Variants in ARHGAP39 observed in about 807,000 individuals in gnomAD.
The protein encoded by ARHGAP39 is rho GTPase-activating protein 39.
Under a neutral mutation model 106.9 loss-of-function variants are expected in ARHGAP39, and 44 were observed. That is an observed-to-expected ratio of 0.41 (90% CI 0.32 to 0.53). The LOEUF (loss-of-function observed/expected upper bound fraction) is 0.53. Among genes scored for constraint, ARHGAP39 ranks in the 20% least tolerant of loss-of-function variants. The pLI is 0.21. For synonymous variants in ARHGAP39, 768 were observed against 693.2 expected, an observed-to-expected ratio of 1.11 and a Z score of -1.69; for missense variants, 1,496 against 1,577.3, an observed-to-expected ratio of 0.95 and a Z score of 0.87.
Position 144,531,053 on chromosome 8 carries a change from G to C in ARHGAP39, c.2981-182C>G, listed in dbSNP as rs116899151. Among the ~76,000 whole-genome samples the C allele has an allele frequency of 0.013, 2,048 of 152,340 alleles. 142 individuals carry two copies. The East Asian group carries it at 0.21, about 15-fold the overall frequency. On this transcript the variant is annotated intron_variant, in intron 10 of 11. Coordinates refer to ENST00000377307, the MANE Select transcript of ARHGAP39 (RefSeq NM_025251.3). ...ACCCCAGAGGGCCTTTCGGCTCCTGGGGGCCTGAACTCGATCCTGGAGGCA... is the reference window on the plus strand; with the variant it reads ...ACCCCAGAGGGCCTTTCGGCTCCTGCGGGCCTGAACTCGATCCTGGAGGCA...
In ARHGAP39 at chr8:144,671,745, C is replaced by T. The variant is rs754184562; in HGVS notation, c.-82+13941G>A. Among the ~76,000 whole-genome samples the T allele has an allele frequency of 6.6e-5, 10 of 152,256 alleles. No individual in the cohort carries two copies. The highest frequency in any genetic ancestry group is 1.9e-4 in the African/African-American group (8 of 41,466). ...GGTTCTCCCTACGACCCCAGGCACA[C>T]GGCCACCTCTGCTGTCCACAGGATG... On this transcript the variant is annotated intron_variant, in intron 1 of 11. Transcript: ENST00000377307. This position sits in a 1 kb window ranked among gnomAD's most constrained non-coding sequence, Gnocchi z 4.5.
chr8:144,595,055 CAG>C (rs1222276047), intron 2 of ARHGAP39, among the ~76,000 whole-genome samples: 2 of 152,192 alleles, frequency 1.3e-5, no homozygotes, highest in Non-Finnish European at 1.5e-5. Flanking sequence ...TAAAACCCCA[CAG>C]AGTTACCACC....
In ARHGAP39 at chr8:144,529,370, A is replaced by T. The variant is rs913898672; in HGVS notation, c.*1052T>A. 6.5e-6 allele frequency: 1 copy of T among 152,908 alleles called. No individual in the cohort carries two copies. The highest frequency in any genetic ancestry group is 1.5e-5 in the Non-Finnish European group (1 of 68,496). The allele number at this position is 152,908 out of a possible 1,614,324, so 9.5% of individuals were successfully genotyped here. On this transcript the variant is annotated 3_prime_UTR_variant, in exon 12 of 12. Coordinates refer to ENST00000377307, the MANE Select transcript of ARHGAP39 (RefSeq NM_025251.3). ...GAACTCTAAAAAATATATATATAAAAACTGGGGAGAAATTAAGTTTTACAA... is the reference window on the plus strand; with the variant it reads ...GAACTCTAAAAAATATATATATAAATACTGGGGAGAAATTAAGTTTTACAA...
intron 1 of ARHGAP39, among the ~76,000 whole-genome samples, chr8:144,667,958 T>C (rs1822005803): frequency 6.6e-6 from 1 of 152,016 alleles, no homozygotes. Flanking sequence ...GACAAAGCAA[T>C]GTTCAAACCA....
intron 1 of ARHGAP39, among the ~76,000 whole-genome samples, chr8:144,614,225 A>G (rs921509834): frequency 6.6e-6 from 1 of 152,090 alleles, no homozygotes; most frequent in African/African-American, 2.4e-5. Context: ...GTCAGTTTTG[A>G]TGGATTTTTC....
In ARHGAP39 at chr8:144,547,615, TGCCCGGGGAGTA is replaced by T; in HGVS notation, c.1459_1470del (p.Tyr487_Gly490del). The T allele has an allele frequency of 1.3e-6, 2 of 1,495,608 alleles. No homozygotes were observed. The highest frequency in any genetic ancestry group is 1.8e-6 in the Non-Finnish European group (2 of 1,123,962). The allele number at this position is 1,495,608 out of a possible 1,614,324, so 92.6% of individuals were successfully genotyped here. A position where few individuals can be genotyped will look rare whatever the true frequency, so the allele number is the denominator to read the frequency against. ...GGCTTTCTGCTCTTCCGCTTGCGCG[TGCCCGGGGAGTA>T]GCCTGTGGAGGACAGGGTGTCCTGC... On this transcript the variant is annotated inframe_deletion, in exon 5 of 12. Transcript: ENST00000377307. This position sits in a 1 kb window ranked among gnomAD's most constrained non-coding sequence, Gnocchi z 5.2.
chr8:144,571,529 T>C (rs535969748), intron 3 of ARHGAP39, among the ~76,000 whole-genome samples: 2 of 152,232 alleles, frequency 1.3e-5, no homozygotes, highest in African/African-American at 4.8e-5. Context: ...CCACAGCCAA[T>C]ATCATACTGA....
intron 1 of ARHGAP39, among the ~76,000 whole-genome samples, chr8:144,635,303 A>C (rs1412821090): frequency 6.6e-6 from 1 of 152,164 alleles, no homozygotes; most frequent in Non-Finnish European, 1.5e-5. Flanking sequence ...CCAACGGTTT[A>C]AGCAATCATG....
intron 3 of ARHGAP39, among the ~76,000 whole-genome samples, chr8:144,569,522 CA>C (rs893299062): frequency 2.6e-4 from 40 of 152,168 alleles, no homozygotes; most frequent in African/African-American, 9.2e-4. Flanking sequence ...AGATGACAGA[CA>C]AAAAAGAGTG....
chr8:144,623,430 A>G (rs1375405936), intron 1 of ARHGAP39, among the ~76,000 whole-genome samples: 1 of 152,224 alleles, frequency 6.6e-6, no homozygotes. Context: ...TACCAAACAC[A>G]TCTAAAGTAT....
intron 7 of ARHGAP39, among the ~76,000 whole-genome samples, chr8:144,536,796 G>A (rs931195463): frequency 1.3e-5 from 2 of 152,226 alleles, no homozygotes; most frequent in African/African-American, 4.8e-5. Context: ...GTAGCCTCCT[G>A]CTGGTCCCAG....
At position 144,604,934 on chromosome 8, in the gene ARHGAP39, C is replaced by A. The variant is rs1820226749; in HGVS notation, c.80+601G>T. Among the ~76,000 whole-genome samples, 1 of 152,216 alleles carries A rather than the reference C, an allele frequency of 6.6e-6. No homozygotes were observed. The highest frequency in any genetic ancestry group is 1.5e-5 in the Non-Finnish European group (1 of 68,042). On this transcript the variant is annotated intron_variant, in intron 2 of 11. Coordinates refer to ENST00000377307, the MANE Select transcript of ARHGAP39 (RefSeq NM_025251.3). This position sits in a 1 kb window ranked among gnomAD's most constrained non-coding sequence, Gnocchi z 4.1. The stretch of plus-strand genomic sequence containing the variant: ...CATGGGGCTGTTCTTATTCTTGTAA[C>A]TTTTCTGGAAGCATGAAATTATTTC...
intron 2 of ARHGAP39, among the ~76,000 whole-genome samples, chr8:144,593,359 C>T (rs1263052580): frequency 3.3e-5 from 5 of 152,132 alleles, no homozygotes; most frequent in East Asian, 1.9e-4. Flanking sequence ...CTTCAACAAA[C>T]GTGCAGGTGG....
At chr8:144,602,020 T>TGC (rs1379935766) in intron 2 of ARHGAP39, among the ~76,000 whole-genome samples, 3 of 126,042 alleles carry the variant, frequency 2.4e-5, no homozygotes, top group African/African-American at 3.0e-5. Flanking sequence ...CATGGAGGCG[T>TGC]GTGTGTGCTC....
At position 144,545,360 on chromosome 8, in the gene ARHGAP39, C is replaced by T. The variant is rs773162144; in HGVS notation, c.2410G>A (p.Gly804Ser). 1.3e-6 allele frequency: 2 copies of T among 1,595,734 alleles called. No individual in the cohort carries two copies. The highest frequency in any genetic ancestry group is 1.7e-6 in the Non-Finnish European group (2 of 1,168,306). Residue 804 changes from glycine to serine, a missense_variant, in exon 6 of 12, where the codon GGC (glycine) becomes AGC (serine). Gly to Ser is a moderately conservative substitution (Grantham distance 56). Around this residue, in one of 4 missense-constraint regions of ARHGAP39, gnomAD observed 470 missense variants for 605.1 expected, o/e 0.78. Coordinates refer to ENST00000377307, the MANE Select transcript of ARHGAP39 (RefSeq NM_025251.3). ...AGGCAGATGGCCATGAGCTCCCAGCCGCGGGCCAGGCTCTCCAGGCGGAAG... is the reference window on the plus strand; with the variant it reads ...AGGCAGATGGCCATGAGCTCCCAGCTGCGGGCCAGGCTCTCCAGGCGGAAG... Reference protein sequence around the residue: ...ENFRLESLARGWELMAICLAF... With the variant: ...ENFRLESLARSWELMAICLAF...
intron 8 of ARHGAP39, among the ~76,000 whole-genome samples, chr8:144,533,640 C>CAGCT (rs1306222442): frequency 1.3e-5 from 2 of 152,224 alleles, no homozygotes; most frequent in East Asian, 3.9e-4. Context: ...TCTACAGCAC[C>CAGCT]AGCTCACAGG....
intron 1 of ARHGAP39, among the ~76,000 whole-genome samples, chr8:144,661,773 C>T (rs146504567): frequency 5.1e-4 from 77 of 152,154 alleles, no homozygotes; most frequent in Non-Finnish European, 8.8e-4. Context: ...GGCCACTACC[C>T]GCCTCTCCAT....
At chr8:144,654,908 TCCACGGAGCAGGCAGGAGCC>T (rs972497927) in intron 1 of ARHGAP39, among the ~76,000 whole-genome samples, 64 of 151,460 alleles carry the variant, frequency 4.2e-4, no homozygotes, top group Admixed American at 1.9e-3. Flanking sequence ...AGCCTCCTGC[TCCACGGAGCAGGCAGGAGCC>T]CCACCCCAAT....
chr8:144,651,165 A>G (rs1563724226), intron 1 of ARHGAP39, among the ~76,000 whole-genome samples: 2 of 152,176 alleles, frequency 1.3e-5, no homozygotes, highest in Non-Finnish European at 2.9e-5. Context: ...AATGCCACAA[A>G]AAGAATAAAA....
Sources: gnomAD v4.1 joint callset for allele counts (sites outside exome capture counted in the v4.1 genomes callset) on GRCh38, gnomAD v4.1.1 for gene constraint, gnomAD v4.1.1 regional missense constraint, Gnocchi (gnomAD v3.1) non-coding constraint, MANE v1.5 for transcripts, NCBI Gene and HGNC (gene_info 2026-07-23, HGNC 2026-07-21) for gene names.